ZNF385B: variants seen among roughly 807,000 people sequenced by gnomAD.
The protein encoded by ZNF385B is zinc finger protein 385B, also known as zinc finger protein 533.
ZNF385B carries 23 observed loss-of-function variants against 39.2 expected under a neutral mutation model. The observed-to-expected ratio is 0.59, with a 90% CI of 0.42 to 0.83. ZNF385B has a LOEUF of 0.83. ZNF385B is among the 40% of genes least tolerant of loss of function. The probability of loss-of-function intolerance (pLI) is 0.00; values close to 1 mark genes in which losing one functional copy is unlikely to be tolerated. For missense variants in ZNF385B, 552 were observed against 598.9 expected, an observed-to-expected ratio of 0.92 and a Z score of 0.82; for synonymous variants, 205 against 222.6, an observed-to-expected ratio of 0.92 and a Z score of 0.70.
chr2:179,781,957 G>C (rs1575480689), intron 1 of ZNF385B, among the ~76,000 whole-genome samples: 2 of 152,136 alleles, frequency 1.3e-5, no homozygotes, highest in African/African-American at 4.8e-5. Context: ...TTGAGGAGGA[G>C]AGACTCCTCC....
intron 3 of ZNF385B, among the ~76,000 whole-genome samples, chr2:179,744,094 T>A (rs1287085920): frequency 6.6e-6 from 1 of 152,124 alleles, no homozygotes; most frequent in East Asian, 1.9e-4. Context: ...TACAAATGTA[T>A]TGCAAAAAAT....
At chr2:179,492,220 T>G (rs879396109) in intron 5 of ZNF385B, among the ~76,000 whole-genome samples, 3 of 152,326 alleles carry the variant, frequency 2.0e-5, no homozygotes, top group Admixed American at 6.5e-5. Flanking sequence ...CACAGTTATA[T>G]CCCAAGTTGC....
At chr2:179,608,667 A>T (rs1156609572) in intron 3 of ZNF385B, among the ~76,000 whole-genome samples, 1 of 152,140 alleles carries the variant, frequency 6.6e-6, no homozygotes, top group African/African-American at 2.4e-5. Flanking sequence ...CGGGGATATC[A>T]TAAAATAACA....
chr2:179,549,182 T>C lies in ZNF385B; in HGVS notation c.299-4213A>G, dbSNP rs892193146. ...TAAGGCTTAATAATATTCCATTGTA[T>C]GGATTTCCCAAATTTTGCTTATCCA... On this transcript the variant is annotated intron_variant, in intron 3 of 9. Coordinates refer to ENST00000410066, the MANE Select transcript of ZNF385B (RefSeq NM_152520.6). Among the ~76,000 whole-genome samples, 5 of 149,584 alleles carry C rather than the reference T, an allele frequency of 3.3e-5. 1 individual carries two copies. The highest frequency in any genetic ancestry group is 7.6e-5 in the African/African-American group (3 of 39,716).
At chr2:179,582,294 A>G (rs1336162426) in intron 3 of ZNF385B, among the ~76,000 whole-genome samples, 2 of 152,232 alleles carry the variant, frequency 1.3e-5, no homozygotes, top group Non-Finnish European at 2.9e-5. Flanking sequence ...CATTAGTGCT[A>G]CAGACCCTTA....
intron 5 of ZNF385B, among the ~76,000 whole-genome samples, chr2:179,486,601 G>T (rs1376045298): frequency 2.0e-5 from 3 of 152,166 alleles, no homozygotes; most frequent in Admixed American, 6.6e-5. Flanking sequence ...TAAACACCAG[G>T]TCTGATCCTT....
chr2:179,575,793 T>C (rs1017884888), intron 3 of ZNF385B, among the ~76,000 whole-genome samples: 1 of 151,054 alleles, frequency 6.6e-6, no homozygotes, highest in Non-Finnish European at 1.5e-5. Flanking sequence ...AAGACTTTTG[T>C]TTTTTTTTAA....
intron 3 of ZNF385B, among the ~76,000 whole-genome samples, chr2:179,617,137 C>A (rs1042555453): frequency 3.3e-5 from 5 of 152,190 alleles, no homozygotes; most frequent in African/African-American, 1.2e-4. Context: ...AGTTCAGCAT[C>A]AACAGCTATA....
At chr2:179,752,740 G>A (rs1702758091) in intron 3 of ZNF385B, among the ~76,000 whole-genome samples, 1 of 152,102 alleles carries the variant, frequency 6.6e-6, no homozygotes, top group Non-Finnish European at 1.5e-5. Flanking sequence ...CTTTTGAGAA[G>A]TGTCTGTTCA....
chr2:179,620,324 A>T (rs1324609295), intron 3 of ZNF385B, among the ~76,000 whole-genome samples: 2 of 152,126 alleles, frequency 1.3e-5, no homozygotes, highest in African/African-American at 4.8e-5. Flanking sequence ...CTGCAGTGAT[A>T]CTCTGATCTT....
intron 5 of ZNF385B, among the ~76,000 whole-genome samples, chr2:179,512,808 A>C (rs1021573675): frequency 2.0e-5 from 3 of 152,228 alleles, no homozygotes; most frequent in African/African-American, 7.2e-5. Context: ...GCTCCCTGGC[A>C]AAGTTAATGG....
At chr2:179,507,806 T>G (rs951113250) in intron 5 of ZNF385B, among the ~76,000 whole-genome samples, 1 of 152,152 alleles carries the variant, frequency 6.6e-6, no homozygotes, top group Non-Finnish European at 1.5e-5. Context: ...AGCTTGAAAT[T>G]TTAAAATTGG....
At chr2:179,535,271 G>T (rs1477851914) in intron 4 of ZNF385B, among the ~76,000 whole-genome samples, 1 of 152,150 alleles carries the variant, frequency 6.6e-6, no homozygotes, top group Non-Finnish European at 1.5e-5. Flanking sequence ...CTGACAAGAT[G>T]AATCTATCTC....
At chr2:179,540,691 A>G (rs182040223) in intron 4 of ZNF385B, among the ~76,000 whole-genome samples, 4 of 152,280 alleles carry the variant, frequency 2.6e-5, no homozygotes, top group African/African-American at 4.8e-5. Flanking sequence ...GACACCCATC[A>G]TACTAAAATG....
At chr2:179,720,288 T>G (rs1575338559) in intron 3 of ZNF385B, among the ~76,000 whole-genome samples, 1 of 151,584 alleles carries the variant, frequency 6.6e-6, no homozygotes, top group Non-Finnish European at 1.5e-5. Context: ...AAGAATACAT[T>G]TAGAATAAAA....
chr2:179,689,801 GTGTGTGTGTGTGTGTGTGTGTGTGTT>G (rs1698211263), intron 3 of ZNF385B, among the ~76,000 whole-genome samples: 2 of 122,306 alleles, frequency 1.6e-5, no homozygotes, highest in Non-Finnish European at 1.8e-5. Context: ...GTGTGTGTGT[GTGTGTGTGTGTGTGTGTGTGTGTGTT>G]TATTTGTTTT....
intron 1 of ZNF385B, among the ~76,000 whole-genome samples, chr2:179,801,596 A>G (rs946698858): frequency 1.3e-5 from 2 of 152,132 alleles, no homozygotes; most frequent in Non-Finnish European, 2.9e-5. Flanking sequence ...GTAAATCCCA[A>G]TGGTAGAGAA....
At chr2:179,521,063 T>G (rs2058455230) in intron 4 of ZNF385B, among the ~76,000 whole-genome samples, 1 of 143,504 alleles carries the variant, frequency 7.0e-6, no homozygotes, top group Non-Finnish European at 1.5e-5. Flanking sequence ...AGTAGACTAT[T>G]GTATCTATTG....
chr2:179,808,240 G>A (rs575701530), intron 1 of ZNF385B, among the ~76,000 whole-genome samples: 2 of 152,244 alleles, frequency 1.3e-5, no homozygotes, highest in South Asian at 2.1e-4. Flanking sequence ...CACCGTGTTA[G>A]CCAGGATGGT....
Sources: allele counts gnomAD v4.1 joint callset (sites outside exome capture counted in the v4.1 genomes callset), GRCh38; gene constraint gnomAD v4.1.1; transcripts MANE v1.5; gene names NCBI Gene and HGNC (gene_info 2026-07-23, HGNC 2026-07-21).